Variants in OPN5 observed in about 807,000 individuals in gnomAD.
OPN5 encodes opsin-5.
A neutral mutation model predicts 41.7 loss-of-function variants in OPN5; 18 were observed. That is an observed-to-expected ratio of 0.43 (90% confidence interval 0.30 to 0.64). The LOEUF is 0.64. Among genes scored for constraint, OPN5 ranks in the 30% least tolerant of loss-of-function variants. The pLI, the probability that OPN5 is intolerant of heterozygous loss-of-function variation, is 0.13. For missense variants in OPN5, 318 were observed against 434.5 expected (o/e 0.73, Z 2.38); for synonymous variants, 178 against 164.3 (o/e 1.08, Z -0.64).
chr6:47,821,301 A>G (rs1471302216), intron 6 of OPN5, among the ~76,000 whole-genome samples: 3 of 152,234 alleles, frequency 2.0e-5, no homozygotes, highest in Non-Finnish European at 4.4e-5. Context: ...GGGGAATGCT[A>G]TGATAGAGAC....
intron 6 of OPN5, chr6:47,811,968 T>G (rs577070983): frequency 8.4e-5 from 27 of 321,476 alleles, no homozygotes; most frequent in Non-Finnish European, 1.3e-4. Flanking sequence ...CTTTCTTTTC[T>G]CGTACTTTAA....
rs767235828 is a variant in OPN5 at position 47,786,565 on chromosome 6, C to T, written c.181C>T (p.Arg61Ter). 12 of 1,606,506 alleles carry T rather than the reference C, an allele frequency of 7.5e-6. No individual in the cohort carries two copies. Among genetic ancestry groups the T allele is most frequent in the South Asian group, 1.1e-5 (1 of 90,924 alleles). The change falls in exon 2 of 7, where the codon CGA (arginine) becomes TGA (stop). Residue 61 changes from arginine to a stop codon, truncating the protein, a stop_gained. Coordinates refer to ENST00000371211, the Ensembl canonical transcript of OPN5. LOFTEE classifies it high-confidence loss of function. ...ATATGTCCTTTACATGTCTTCTAGA[C>T]GAAAGAAGAAGCTGAGACCCGCTGA...
At chr6:47,812,163 T>C (rs1762263187) in intron 6 of OPN5, among the ~76,000 whole-genome samples, 1 of 152,170 alleles carries the variant, frequency 6.6e-6, no homozygotes, top group Non-Finnish European at 1.5e-5. Context: ...CATGGCTCTT[T>C]GGTAGGTACT....
intron 5 of OPN5, among the ~76,000 whole-genome samples, chr6:47,809,478 A>C (rs551545692): frequency 1.3e-5 from 2 of 152,334 alleles, no homozygotes; most frequent in South Asian, 4.1e-4. Context: ...TGGTATTATC[A>C]TTATTGCTGT....
At chr6:47,810,402 C>A (rs894349403) in intron 5 of OPN5, among the ~76,000 whole-genome samples, 19 of 152,192 alleles carry the variant, frequency 1.2e-4, no homozygotes, top group African/African-American at 4.6e-4. Context: ...AAAAAGAAAC[C>A]TCATTTCTCT....
intron 4 of OPN5, among the ~76,000 whole-genome samples, chr6:47,800,368 T>C (rs947789315): frequency 3.9e-5 from 6 of 152,040 alleles, no homozygotes; most frequent in Non-Finnish European, 8.8e-5. Flanking sequence ...AATGAAATCA[T>C]AGGGGGTGGA....
At chr6:47,791,108 C>T (rs1466056912) in intron 2 of OPN5, among the ~76,000 whole-genome samples, 3 of 151,774 alleles carry the variant, frequency 2.0e-5, no homozygotes, top group Non-Finnish European at 4.4e-5. Context: ...CTCTTCTTTC[C>T]TCTATTCATT....
downstream of OPN5, chr6:47,825,632 T>C (rs987774274): frequency 3.3e-5 from 5 of 152,252 alleles, no homozygotes; most frequent in African/African-American, 1.2e-4. Context: ...ATTCAAGAAC[T>C]GATTCTGTTT....
chr6:47,797,814 C>T (rs568862178), intron 4 of OPN5, among the ~76,000 whole-genome samples: 1 of 152,268 alleles, frequency 6.6e-6, no homozygotes, highest in East Asian at 1.9e-4. Flanking sequence ...TTCAGTTTCT[C>T]CCAGTTTGTT....
intron 6 of OPN5, among the ~76,000 whole-genome samples, chr6:47,819,384 A>G (rs1053959092): frequency 6.5e-5 from 6 of 92,746 alleles, no homozygotes; most frequent in African/African-American, 2.1e-4. Context: ...GTAGAAATAT[A>G]TATATATATA....
chr6:47,810,553 C>G (rs1198769409), intron 5 of OPN5, among the ~76,000 whole-genome samples: 1 of 149,044 alleles, frequency 6.7e-6, no homozygotes, highest in Non-Finnish European at 1.5e-5. Context: ...TTATTCTTTT[C>G]TTTTCTGAGC....
intron 5 of OPN5, among the ~76,000 whole-genome samples, chr6:47,808,679 G>C (rs1002069965): frequency 6.6e-6 from 1 of 152,090 alleles, no homozygotes; most frequent in African/African-American, 2.4e-5. Context: ...TTTATGCATG[G>C]CTCGTACATT....
Position 47,794,038 on chromosome 6 carries a change from G to A in OPN5, c.422-1191G>A, listed in dbSNP as rs150761656. On this transcript the variant is annotated intron_variant, in intron 3 of 6. Coordinates refer to ENST00000371211, the Ensembl canonical transcript of OPN5. Reference sequence around the variant, plus strand: ...ACAATCTGTTATATTTCTTATTAGCGCTAAATGAGATACACTTACACAGGA... The same window carrying A: ...ACAATCTGTTATATTTCTTATTAGCACTAAATGAGATACACTTACACAGGA... Among the ~76,000 whole-genome samples, 35 of 152,170 alleles carry A rather than the reference G, an allele frequency of 2.3e-4. No individual in the cohort carries two copies. The East Asian group carries it at 3.5e-3, about 15-fold the overall frequency.
At position 47,789,560 on chromosome 6, in the gene OPN5, A is replaced by G. The variant is rs542533806; in HGVS notation, c.251-2242A>G. Among the ~76,000 whole-genome samples, 24 of 152,238 alleles carry G rather than the reference A, an allele frequency of 1.6e-4. No homozygotes were observed. In the South Asian group the frequency reaches 4.8e-3, roughly 30 times the overall value. ...AAAAACCCCACAAACCTAAATAGTT[A>G]TTTTACACTCCATTTCCTTGTGGAC... On this transcript the variant is annotated intron_variant, in intron 2 of 6. Coordinates refer to ENST00000371211, the Ensembl canonical transcript of OPN5.
chr6:47,799,217 TAC>T lies in OPN5; in HGVS notation c.756+3668_756+3669del, dbSNP rs369920495. Among the ~76,000 whole-genome samples, 640 of 134,632 alleles carry T rather than the reference TAC, an allele frequency of 4.8e-3. 3 individuals are homozygous for T. Among genetic ancestry groups the T allele is most frequent in the African/African-American group, 9.3e-3 (342 of 36,686 alleles). The allele number at this position is 134,632 out of a possible 152,430, so 88.3% of individuals were successfully genotyped here. A position where few individuals can be genotyped will look rare whatever the true frequency, so the allele number is the denominator to read the frequency against. On this transcript the variant is annotated intron_variant, in intron 4 of 6. Coordinates refer to ENST00000371211, the Ensembl canonical transcript of OPN5. ...TGATGTATATATATATATATATATA[TAC>T]ACACACACACACATGATATACATGA...
At chr6:47,797,957 T>C (rs1339465670) in intron 4 of OPN5, among the ~76,000 whole-genome samples, 1 of 152,190 alleles carries the variant, frequency 6.6e-6, no homozygotes, top group Non-Finnish European at 1.5e-5. Flanking sequence ...ATTATACATA[T>C]GAGGTACAGC....
chr6:47,823,961 C>T, intron 6 of OPN5, 22 bp from the exon 7 acceptor site: 1 of 1,547,634 alleles, frequency 6.5e-7, no homozygotes, highest in South Asian at 1.2e-5. Context: ...CACCCTAAAA[C>T]TCAATTTTTT....
chr6:47,797,405 T>A (rs1490909962), intron 4 of OPN5, among the ~76,000 whole-genome samples: 1 of 152,148 alleles, frequency 6.6e-6, no homozygotes, highest in Non-Finnish European at 1.5e-5. Context: ...GCATTATGAG[T>A]TAGGTTCTTC....
At chr6:47,813,146 A>G (rs143033451) in intron 6 of OPN5, among the ~76,000 whole-genome samples, 3 of 152,312 alleles carry the variant, frequency 2.0e-5, no homozygotes, top group African/African-American at 2.4e-5. Context: ...TTATGCCTGC[A>G]TATCAAAGTC....
Sources: gnomAD v4.1 joint callset for allele counts (sites outside exome capture counted in the v4.1 genomes callset) on GRCh38, gnomAD v4.1.1 for gene constraint, MANE v1.5 for transcripts, NCBI Gene and HGNC (gene_info 2026-07-23, HGNC 2026-07-21) for gene names.